The following ALYREF variants were observed in gnomAD, a reference collection of about 807,000 sequenced individuals.
ALYREF encodes Aly/REF export factor, also known as THO complex subunit 4.
A neutral mutation model predicts 25.2 loss-of-function variants in ALYREF; 1 was observed. The ratio of observed to expected loss-of-function variants is 0.04; its 90% confidence interval spans 0.01 to 0.19. The LOEUF (loss-of-function observed/expected upper bound fraction) is 0.19, where lower values mean the gene tolerates loss of function less well. Ranked by LOEUF, ALYREF falls within the 10% of genes least tolerant of loss-of-function variation. ALYREF has a pLI of 1.00. For missense variants in ALYREF, 328 were observed against 375.6 expected, an observed-to-expected ratio of 0.87 and a Z score of 1.05; for synonymous variants, 193 against 153.5, an observed-to-expected ratio of 1.26 and a Z score of -1.90.
intron 1 of ALYREF, 31 bp downstream of exon 1, chr17:81,891,292 A>T: frequency 9.2e-7 from 1 of 1,082,328 alleles, no homozygotes; most frequent in East Asian, 5.5e-5. Context: ...GCCCCCTCCC[A>T]CTCTCCGGCG....
At chr17:81,889,546 C>T (rs1411400814) in intron 2 of ALYREF, among the ~76,000 whole-genome samples, 8 of 152,170 alleles carry the variant, frequency 5.3e-5, no homozygotes, top group Admixed American at 4.6e-4. Context: ...GGACCTGACA[C>T]GTGTACCACG....
At chr17:81,889,464 T>C (rs1396630817) in intron 2 of ALYREF, 135 bp from the exon 3 acceptor site, 3 of 1,026,950 alleles carry the variant, frequency 2.9e-6, no homozygotes, top group Non-Finnish European at 2.9e-6. Flanking sequence ...TAACGGGAAA[T>C]GAGGGAAGGG....
chr17:81,891,124 C>T (rs1052025445), intron 1 of ALYREF, 199 bp downstream of exon 1: 6 of 625,150 alleles, frequency 9.6e-6, no homozygotes, highest in Non-Finnish European at 4.9e-6. Flanking sequence ...GGGTCTCAGC[C>T]TCCGGGACCG....
At position 81,888,888 on chromosome 17, in the gene ALYREF, G is replaced by A. The variant is rs1180269708; in HGVS notation, c.538+294C>T. 3.6e-6 allele frequency: 5 copies of A among 1,407,190 alleles called. No individual in the cohort carries two copies. The highest frequency in any genetic ancestry group is 4.6e-6 in the Non-Finnish European group (5 of 1,082,468). The allele number at this position is 1,407,190 out of a possible 1,614,324, so 87.2% of individuals were successfully genotyped here. On this transcript the variant is annotated intron_variant, in intron 3 of 5. Transcript: ENST00000505490. The surrounding 1 kb of genome is among the most constrained non-coding windows in gnomAD (Gnocchi z 5.8). ...GAAGAACCGGTACCTTTGTCTTTAC[G>A]ACTACAGCCCCGCACTCAGAGGTGT... is the stretch of plus-strand genomic sequence containing the variant.
At position 81,888,048 on chromosome 17, in the gene ALYREF, G is replaced by A. The variant is rs907458252; in HGVS notation, c.*83C>T. On this transcript the variant is annotated 3_prime_UTR_variant, in exon 6 of 6. Transcript: ENST00000505490. This position sits in a 1 kb window ranked among gnomAD's most constrained non-coding sequence, Gnocchi z 5.8. ...AAAAGAAACAAATCCATCATTGGCC[G>A]CACAGCCCCAGCCACCGCCCCCCAA... 22 of 1,543,292 alleles carry A rather than the reference G, an allele frequency of 1.4e-5. No individual in the cohort carries two copies. The East Asian group carries it at 2.0e-4, about 14-fold the overall frequency.
In ALYREF at chr17:81,890,656, C is replaced by G. The variant is rs548724601; in HGVS notation, c.390+33G>C. 1.9e-5 allele frequency: 31 copies of G among 1,607,538 alleles called. No homozygotes were observed. In the East Asian group the frequency reaches 6.3e-4, roughly 32 times the overall value. On this transcript the variant is annotated intron_variant, in intron 2 of 5. Coordinates refer to ENST00000505490, the MANE Select transcript of ALYREF (RefSeq NM_005782.4). ...AAATCACGATCCGTCCTGTGCAGGGCGAACGGCTCACCGAGAAGCCCTCGT... is the reference window on the plus strand; with the variant it reads ...AAATCACGATCCGTCCTGTGCAGGGGGAACGGCTCACCGAGAAGCCCTCGT...
chr17:81,888,702 C>A lies in ALYREF; in HGVS notation c.539-119G>T, dbSNP rs2039463527. ...AAGGGCCTCTGTGCGTCTCAAATGCCCCCGACAAGGGAAATGGCCTGGAGA... is the reference window on the plus strand; with the variant it reads ...AAGGGCCTCTGTGCGTCTCAAATGCACCCGACAAGGGAAATGGCCTGGAGA... On this transcript the variant is annotated intron_variant, in intron 3 of 5. Coordinates refer to ENST00000505490, the MANE Select transcript of ALYREF (RefSeq NM_005782.4). This position sits in a 1 kb window ranked among gnomAD's most constrained non-coding sequence, Gnocchi z 5.8. The A allele has an allele frequency of 6.7e-7, 1 of 1,503,712 alleles. No homozygotes were observed. Among genetic ancestry groups the A allele is most frequent in the African/African-American group, 1.4e-5 (1 of 71,948 alleles). 93.1% of individuals were successfully genotyped at this position (1,503,712 alleles called of 1,614,324 possible). A position where few individuals can be genotyped will look rare whatever the true frequency, so the allele number is the denominator to read the frequency against.
At chr17:81,890,202 G>A (rs957027112) in intron 2 of ALYREF, among the ~76,000 whole-genome samples, 1 of 152,062 alleles carries the variant, frequency 6.6e-6, no homozygotes, top group South Asian at 2.1e-4. Context: ...GTCACTGACG[G>A]GACACGGCGG....
Position 81,891,379 on chromosome 17 carries a change from TG to T in ALYREF, c.201del (p.Ile68SerfsTer72). ...CCTCCGCCGGCCGCGCCGCGGGCGA[TG>T]GCCGGCCGGTTCCGGATGGGCCCGC... is the stretch of plus-strand genomic sequence containing the variant. ...RGGGPIRNRP[A>X]IARGAAGGGG... On this transcript the variant is annotated frameshift_variant, in exon 1 of 6. Transcript: ENST00000505490. LOFTEE classifies it high-confidence loss of function. The T allele has an allele frequency of 8.8e-7, 1 of 1,130,356 alleles. No individual in the cohort carries two copies. The highest frequency in any genetic ancestry group is 3.0e-5 in the South Asian group (1 of 33,832). 70.0% of individuals were successfully genotyped at this position (1,130,356 alleles called of 1,614,324 possible). A position where few individuals can be genotyped will look rare whatever the true frequency, so the allele number is the denominator to read the frequency against.
rs1555608655 is a variant in ALYREF, at chr17:81,890,691, G to C, written c.388C>G (p.Gln130Glu). The C allele has an allele frequency of 1.2e-6, 2 of 1,613,798 alleles. No individual in the cohort carries two copies. Among genetic ancestry groups the C allele is most frequent in the Non-Finnish European group, 8.5e-7 (1 of 1,179,992 alleles). ...LDFGVSDADI[Q>E]ELFAEFGTLK... ...ACCGAGAAGCCCTCGTCTCTTACCT[G>C]AATATCGGCGTCTGAGACTCCAAAA... Residue 130 changes from glutamine (Q) to glutamate (E), a missense_variant and splice_region_variant, in exon 2 of 6, where the codon CAG becomes GAG. Physicochemically the swap from Gln to Glu is conservative, Grantham distance 29. This residue lies in a region of ALYREF where 70 missense variants were observed against 129.9 expected (regional missense o/e 0.54). Transcript: ENST00000505490.
At chr17:81,889,098 G>A in intron 3 of ALYREF, 84 bp downstream of exon 3, 4 of 1,566,804 alleles carry the variant, frequency 2.6e-6, no homozygotes, top group Non-Finnish European at 3.5e-6. Flanking sequence ...CAGCCACAGG[G>A]GTACCCCATA....
chr17:81,891,140 C>T lies in ALYREF; in HGVS notation c.258+183G>A, dbSNP rs62077241. The T allele has an allele frequency of 2.4e-5, 14 of 595,484 alleles. No individual in the cohort carries two copies. In the African/African-American group the frequency reaches 2.6e-4, roughly 11 times the overall value. 36.9% of individuals were successfully genotyped at this position (595,484 alleles called of 1,614,324 possible). ...GGTCTCAGCCTCCGGGACCGGACCC[C>T]GAAAGAACGACCTCGCTCCCGCCCA... On this transcript the variant is annotated intron_variant, in intron 1 of 5. Coordinates refer to ENST00000505490, the MANE Select transcript of ALYREF (RefSeq NM_005782.4).
intron 2 of ALYREF, chr17:81,889,893 G>A (rs1178774946): frequency 6.5e-6 from 1 of 154,734 alleles, no homozygotes; most frequent in Admixed American, 6.3e-5. Flanking sequence ...CCCAGAGTGT[G>A]GGGATACTCC....
intron 2 of ALYREF, 146 bp from the exon 3 acceptor site, chr17:81,889,475 C>T (rs894103017): frequency 2.4e-5 from 22 of 933,166 alleles, no homozygotes; most frequent in African/African-American, 8.2e-5. Context: ...GAGGGAAGGG[C>T]GGGGCAGGAG....
At position 81,888,296 on chromosome 17, in the gene ALYREF, T is replaced by C. The variant is rs1283585278; in HGVS notation, c.725A>G (p.Lys242Arg). 1.9e-6 allele frequency: 3 copies of C among 1,608,556 alleles called. No homozygotes were observed. The Admixed American group carries it at 5.0e-5, about 27-fold the overall frequency. Residue 242 changes from lysine to arginine, a missense_variant, in exon 5 of 6, where the codon AAG becomes AGG. Transcript: ENST00000505490. The surrounding 1 kb of genome is among the most constrained non-coding windows in gnomAD (Gnocchi z 5.8). ...CAGCTCCTCTGCCGAAAGCTGCTGC[T>C]TTGAATTCCTGCCGGCACCTCTGCC... The part of the protein sequence containing the change: ...GRGRGAGRNS[K>R]QQLSAEELDA...
At chr17:81,889,635 G>T (rs8067831) in intron 2 of ALYREF, 18,592 of 359,648 alleles carry the variant, frequency 0.052, 3,124 homozygotes, top group African/African-American at 0.35. Context: ...AAAGGAAAAT[G>T]TACAACACAC....
Position 81,891,529 on chromosome 17 carries a change from C to T in ALYREF, c.52G>A (p.Asp18Asn). The T allele has an allele frequency of 7.0e-7, 1 of 1,425,732 alleles. No homozygotes were observed. Among genetic ancestry groups the T allele is most frequent in the Non-Finnish European group, 9.2e-7 (1 of 1,086,902 alleles). The allele number at this position is 1,425,732 out of a possible 1,614,324, so 88.3% of individuals were successfully genotyped here. ...TGGCTCCGGTTCAGTTTAATGATGTCGTCCAGAGACATGTCCATTTTGTCG... is the reference window on the plus strand; with the variant it reads ...TGGCTCCGGTTCAGTTTAATGATGTTGTCCAGAGACATGTCCATTTTGTCG... The part of the protein sequence containing the change: ...MADKMDMSLD[D>N]IIKLNRSQRG... Residue 18 changes from aspartate (D) to asparagine (N), a missense_variant, in exon 1 of 6, where the codon GAC becomes AAC. By Grantham distance (23) the Asp-to-Asn change is conservative (BLOSUM62 1). Transcript: ENST00000505490.
At position 81,888,087 on chromosome 17, in the gene ALYREF, G is replaced by A. The variant is rs1210700313; in HGVS notation, c.*44C>T. Reference sequence around the variant, plus strand: ...ACCGCCCCCCAACCAGGGAGCAAGAGGAGACGCCTGGGTCCTGTTCCGCAC... The same window carrying A: ...ACCGCCCCCCAACCAGGGAGCAAGAAGAGACGCCTGGGTCCTGTTCCGCAC... On this transcript the variant is annotated 3_prime_UTR_variant, in exon 6 of 6. Coordinates refer to ENST00000505490, the MANE Select transcript of ALYREF (RefSeq NM_005782.4). The surrounding 1 kb of genome is among the most constrained non-coding windows in gnomAD (Gnocchi z 5.8). 9 of 1,613,214 alleles carry A rather than the reference G, an allele frequency of 5.6e-6. No homozygotes were observed. The highest frequency in any genetic ancestry group is 4.5e-5 in the East Asian group (2 of 44,894).
At position 81,887,975 on chromosome 17, in the gene ALYREF, A is replaced by G. The variant is rs1598289895; in HGVS notation, c.*156T>C. 60 of 577,652 alleles carry G rather than the reference A, an allele frequency of 1.0e-4. No homozygotes were observed. The highest frequency in any genetic ancestry group is 6.1e-4 in the Middle Eastern group (1 of 1,636). The allele number at this position is 577,652 out of a possible 1,614,324, so 35.8% of individuals were successfully genotyped here. On this transcript the variant is annotated 3_prime_UTR_variant, in exon 6 of 6. Transcript: ENST00000505490. The stretch of plus-strand genomic sequence containing the variant: ...TTCAGAATTAAAAAAAAAAAAAAAG[A>G]AAAAAAAAAAACCTTTACATGAGTT...
Sources: gnomAD v4.1 joint callset for allele counts (sites outside exome capture counted in the v4.1 genomes callset) on GRCh38, gnomAD v4.1.1 for gene constraint, gnomAD v4.1.1 regional missense constraint, Gnocchi (gnomAD v3.1) non-coding constraint, MANE v1.5 for transcripts, NCBI Gene and HGNC (gene_info 2026-07-23, HGNC 2026-07-21) for gene names.